The following DSCAML1 variants were observed in gnomAD, a reference collection of about 807,000 sequenced individuals.
DSCAML1 encodes cell adhesion molecule DSCAML1.
In DSCAML1, 38 loss-of-function variants were observed where a neutral mutation model predicts 200.5. That is an observed-to-expected ratio of 0.19 (90% CI 0.15 to 0.25). The LOEUF (loss-of-function observed/expected upper bound fraction) is 0.25, where lower values mean the gene tolerates loss of function less well. Among genes scored for constraint, DSCAML1 ranks in the 10% least tolerant of loss-of-function variants. The probability of loss-of-function intolerance (pLI) is 1.00; values close to 1 mark genes in which losing one functional copy is unlikely to be tolerated. For synonymous variants in DSCAML1, 1,215 were observed against 1,165.0 expected (o/e 1.04, Z -0.87); for missense variants, 2,223 against 2,858.8 (o/e 0.78, Z 5.07).
intron 3 of DSCAML1, among the ~76,000 whole-genome samples, chr11:117,653,537 T>C (rs1349928481): frequency 6.6e-6 from 1 of 151,944 alleles, no homozygotes; most frequent in East Asian, 1.9e-4. Flanking sequence ...ATGAGCTAGG[T>C]GAGGATTTAA....
chr11:117,677,386 G>C (rs1483959747), intron 3 of DSCAML1, among the ~76,000 whole-genome samples: 1 of 152,182 alleles, frequency 6.6e-6, no homozygotes, highest in African/African-American at 2.4e-5. Context: ...TTTTTGAACA[G>C]AGTAGGGCAT....
intron 21 of DSCAML1, among the ~76,000 whole-genome samples, chr11:117,443,683 A>G (rs1164183741): frequency 2.6e-5 from 4 of 152,232 alleles, no homozygotes; most frequent in Non-Finnish European, 5.9e-5. Context: ...AGCCGGAGGC[A>G]GCCTGTTGTG....
intron 8 of DSCAML1, among the ~76,000 whole-genome samples, chr11:117,515,788 T>G (rs1426519242): frequency 6.6e-6 from 1 of 151,896 alleles, no homozygotes; most frequent in Non-Finnish European, 1.5e-5. Flanking sequence ...GCCCGGCTAA[T>G]TTTTGAATTT....
intron 8 of DSCAML1, among the ~76,000 whole-genome samples, chr11:117,514,232 TCCTC>T (rs1002306905): frequency 8.1e-4 from 124 of 152,328 alleles, no homozygotes; most frequent in Admixed American, 3.9e-3. Flanking sequence ...TCAACGCTAT[TCCTC>T]CCTCTCTTCC....
At chr11:117,641,571 A>G (rs2052408579) in intron 3 of DSCAML1, among the ~76,000 whole-genome samples, 1 of 152,068 alleles carries the variant, frequency 6.6e-6, no homozygotes, top group Admixed American at 6.5e-5. Flanking sequence ...ATTGTCTGGG[A>G]AGGGAATGGA....
At chr11:117,719,187 C>T (rs1324220281) in intron 3 of DSCAML1, among the ~76,000 whole-genome samples, 1 of 152,156 alleles carries the variant, frequency 6.6e-6, no homozygotes, top group Non-Finnish European at 1.5e-5. Context: ...GTAATACCAG[C>T]ACTTTGGGAG....
At chr11:117,809,123 C>T (rs1158095922) in intron 1 of DSCAML1, among the ~76,000 whole-genome samples, 1 of 152,240 alleles carries the variant, frequency 6.6e-6, no homozygotes, top group East Asian at 1.9e-4. Context: ...AATGAATCTT[C>T]CAGATCCGTT....
chr11:117,512,336 A>AC (rs2049640719), intron 8 of DSCAML1, among the ~76,000 whole-genome samples: 1 of 138,728 alleles, frequency 7.2e-6, no homozygotes, highest in Admixed American at 7.0e-5. Context: ...CACCTCCTCC[A>AC]CCCCCCTCCT....
chr11:117,493,041 C>T (rs1331887342), intron 11 of DSCAML1, among the ~76,000 whole-genome samples: 5 of 152,152 alleles, frequency 3.3e-5, no homozygotes, highest in Admixed American at 3.3e-4. Flanking sequence ...CTGTCCACTG[C>T]TCCAGTACAC....
At chr11:117,734,756 T>C (rs1301714767) in intron 3 of DSCAML1, among the ~76,000 whole-genome samples, 1 of 152,200 alleles carries the variant, frequency 6.6e-6, no homozygotes, top group Admixed American at 6.5e-5. Flanking sequence ...TGGTGCTTCA[T>C]AAGTATTTGC....
intron 1 of DSCAML1, among the ~76,000 whole-genome samples, chr11:117,789,786 G>A (rs959921026): frequency 4.6e-5 from 7 of 152,130 alleles, no homozygotes; most frequent in Non-Finnish European, 8.8e-5. Flanking sequence ...TGAGTAGAAG[G>A]TCCAAGACCA....
intron 3 of DSCAML1, among the ~76,000 whole-genome samples, chr11:117,768,734 G>T (rs1483788070): frequency 1.3e-5 from 2 of 152,140 alleles, no homozygotes; most frequent in African/African-American, 2.4e-5. Context: ...GGCTTTGGAA[G>T]TAACTTGCTC....
rs1404964686 is a variant in DSCAML1 at position 117,639,424 on chromosome 11, A to G, written c.512-106902T>C. ...GCTGGATGGGTAGGAGGCTGAATGG[A>G]TGGGAAGCTGGATGGGTGGGAGGCT... On this transcript the variant is annotated intron_variant, in intron 3 of 32. Coordinates refer to ENST00000651296, the MANE Select transcript of DSCAML1 (RefSeq NM_020693.4). 3.5e-3 allele frequency among the ~76,000 whole-genome samples: 331 copies of G among 95,222 alleles called. 1 individual carries two copies. The highest frequency in any genetic ancestry group is 0.012 in the African/African-American group (303 of 24,406). 62.5% of individuals were successfully genotyped at this position (95,222 alleles called of 152,430 possible).
chr11:117,510,026 CAG>C (rs1470432683), intron 8 of DSCAML1, among the ~76,000 whole-genome samples: 5 of 152,218 alleles, frequency 3.3e-5, no homozygotes, highest in African/African-American at 1.2e-4. Flanking sequence ...GGTGAAGAGG[CAG>C]AGGCCTGAGT....
intron 3 of DSCAML1, among the ~76,000 whole-genome samples, chr11:117,574,543 A>G (rs557396): frequency 0.88 from 134,346 of 152,038 alleles, 59,669 homozygotes; most frequent in Non-Finnish European, 0.93. Flanking sequence ...TTTAGCATTC[A>G]CCAGTGGACA....
At chr11:117,680,792 G>A (rs758418464) in intron 3 of DSCAML1, among the ~76,000 whole-genome samples, 2 of 152,170 alleles carry the variant, frequency 1.3e-5, no homozygotes, top group Non-Finnish European at 2.9e-5. Context: ...GCAGGCTCAC[G>A]CCCCCTGCCA....
chr11:117,668,338 G>A (rs1218465415), intron 3 of DSCAML1: 1 of 152,156 alleles, frequency 6.6e-6, no homozygotes, highest in Non-Finnish European at 1.5e-5. Context: ...GCAGTCTACA[G>A]ATCCCACAGG....
chr11:117,666,043 A>C (rs11216492), intron 3 of DSCAML1, among the ~76,000 whole-genome samples: 1 of 151,962 alleles, frequency 6.6e-6, no homozygotes, highest in African/African-American at 2.4e-5. Context: ...GTTCTCCTCC[A>C]TCACTGCGGT....
intron 6 of DSCAML1, among the ~76,000 whole-genome samples, chr11:117,519,259 A>G (rs560805034): frequency 1.6e-4 from 25 of 152,312 alleles, no homozygotes; most frequent in Non-Finnish European, 3.2e-4. Flanking sequence ...GTCTGATTCC[A>G]GTTCCCTCTG....
Sources: gnomAD v4.1 joint callset for allele counts (sites outside exome capture counted in the v4.1 genomes callset) on GRCh38, gnomAD v4.1.1 for gene constraint, MANE v1.5 for transcripts, NCBI Gene and HGNC (gene_info 2026-07-23, HGNC 2026-07-21) for gene names.